The following MYCBP2 variants were observed in gnomAD, a reference collection of about 807,000 sequenced individuals.
MYCBP2 encodes the protein E3 ubiquitin-protein ligase MYCBP2.
Under a neutral mutation model 525.3 loss-of-function variants are expected in MYCBP2, and 120 were observed. The observed-to-expected ratio is 0.23, with a 90% CI of 0.20 to 0.27. MYCBP2 has a LOEUF of 0.27. Among genes scored for constraint, MYCBP2 ranks in the 10% least tolerant of loss-of-function variants. The pLI is 1.00. For synonymous variants in MYCBP2, 1,894 were observed against 1,955.8 expected (o/e 0.97, Z 0.83); for missense variants, 4,149 against 5,657.1 (o/e 0.73, Z 8.55).
At chr13:77,090,492 G>T in intron 59 of MYCBP2, 1 of 320,998 alleles carries the variant, frequency 3.1e-6, no homozygotes, top group Non-Finnish European at 5.6e-6. Flanking sequence ...AATCTACTTT[G>T]TATTTTAAAT....
chr13:77,204,992 T>C (rs943375387), intron 26 of MYCBP2, among the ~76,000 whole-genome samples: 3 of 151,752 alleles, frequency 2.0e-5, no homozygotes, highest in African/African-American at 7.3e-5. Context: ...GGCACATGTA[T>C]ACATATGTAA....
At chr13:77,306,287 A>G (rs553806570) in intron 1 of MYCBP2, among the ~76,000 whole-genome samples, 3 of 152,334 alleles carry the variant, frequency 2.0e-5, no homozygotes, top group African/African-American at 7.2e-5. Context: ...TACTCCTATC[A>G]TGTTCAAGCA....
chr13:77,216,422 C>G (rs1402222556), intron 21 of MYCBP2, among the ~76,000 whole-genome samples: 1 of 152,096 alleles, frequency 6.6e-6, no homozygotes, highest in Non-Finnish European at 1.5e-5. Flanking sequence ...TGATGAGAAG[C>G]AGGCATCTTA....
intron 72 of MYCBP2, among the ~76,000 whole-genome samples, chr13:77,065,131 A>G (rs541031308): frequency 3.4e-4 from 52 of 152,200 alleles, no homozygotes; most frequent in Non-Finnish European, 6.5e-4. Flanking sequence ...CCTAAAATAT[A>G]AACAGGTTCA....
At position 77,119,232 on chromosome 13, in the gene MYCBP2, G is replaced by A. The variant is rs143907596; in HGVS notation, c.8140+2141C>T. ...ATTTTTTTTAAGATAATGAAATTATGTGATGGATAATAACTCCTTATTTGT... is the reference window on the plus strand; with the variant it reads ...ATTTTTTTTAAGATAATGAAATTATATGATGGATAATAACTCCTTATTTGT... On this transcript the variant is annotated intron_variant, in intron 55 of 82. Transcript: ENST00000544440. Among the ~76,000 whole-genome samples the A allele has an allele frequency of 5.6e-3, 849 of 152,220 alleles. 9 individuals carry two copies. The highest frequency in any genetic ancestry group is 0.02 in the African/African-American group (818 of 41,550).
chr13:77,210,215 T>C (rs1417521545), intron 23 of MYCBP2, among the ~76,000 whole-genome samples: 2 of 151,644 alleles, frequency 1.3e-5, no homozygotes, highest in Non-Finnish European at 2.9e-5. Flanking sequence ...TTTTTTTTTT[T>C]TTTGAGACAG....
At chr13:77,325,818 GCT>G (rs1264164404) in intron 1 of MYCBP2, among the ~76,000 whole-genome samples, 1 of 152,180 alleles carries the variant, frequency 6.6e-6, no homozygotes, top group Non-Finnish European at 1.5e-5. Context: ...TCAAAGTACA[GCT>G]CTAAAAATCT....
intron 55 of MYCBP2, among the ~76,000 whole-genome samples, chr13:77,112,273 T>A (rs868127584): frequency 1.4e-5 from 2 of 148,114 alleles, no homozygotes; most frequent in Non-Finnish European, 3.0e-5. Flanking sequence ...CTGGACTGTA[T>A]CCCCTCTTCT....
At chr13:77,191,578 C>A (rs2061303677) in intron 28 of MYCBP2, 101 bp downstream of exon 28, 1 of 1,375,952 alleles carries the variant, frequency 7.3e-7, no homozygotes, top group South Asian at 1.4e-5. Flanking sequence ...CTCTAGTCTT[C>A]CTAAGCTTTT....
Position 77,056,112 on chromosome 13 carries a change from G to GTGTA in MYCBP2, c.13438-346_13438-345insTACA, listed in dbSNP as rs1341908969. 3.5e-4 allele frequency among the ~76,000 whole-genome samples: 47 copies of GTGTA among 134,216 alleles called. 1 individual carries two copies. The highest frequency in any genetic ancestry group is 1.1e-3 in the African/African-American group (42 of 38,136). 88.1% of individuals were successfully genotyped at this position (134,216 alleles called of 152,430 possible). On this transcript the variant is annotated intron_variant, in intron 79 of 82. Transcript: ENST00000544440. ...CGCTCTGTGTTTGGTGTGTGTGTGTGTGTGTGTGTGTGTGTGTGTGTGTGT... is the reference window on the plus strand; with the variant it reads ...CGCTCTGTGTTTGGTGTGTGTGTGTGTGTATGTGTGTGTGTGTGTGTGTGTGTGT...
chr13:77,207,092 T>C (rs2063435917), intron 23 of MYCBP2, among the ~76,000 whole-genome samples: 1 of 152,196 alleles, frequency 6.6e-6, no homozygotes, highest in South Asian at 2.1e-4. Context: ...TATAAAGTTT[T>C]GATACATACA....
At chr13:77,313,085 T>A (rs2080469532) in intron 1 of MYCBP2, among the ~76,000 whole-genome samples, 1 of 152,058 alleles carries the variant, frequency 6.6e-6, no homozygotes, top group East Asian at 1.9e-4. Flanking sequence ...GTAATAACAA[T>A]AATATATTAA....
intron 67 of MYCBP2, 101 bp downstream of exon 67, chr13:77,077,047 G>GCCA: frequency 6.8e-7 from 1 of 1,476,796 alleles, no homozygotes; most frequent in Non-Finnish European, 9.1e-7. Context: ...AACATTTATA[G>GCCA]CCAGAAATTT....
At chr13:77,304,446 A>C (rs1169402633) in intron 1 of MYCBP2, among the ~76,000 whole-genome samples, 1 of 152,176 alleles carries the variant, frequency 6.6e-6, no homozygotes, top group Non-Finnish European at 1.5e-5. Context: ...TAAAAGTAGA[A>C]AGTAGAAGAG....
At chr13:77,103,444 G>C (rs189389084) in intron 55 of MYCBP2, 1 of 389,010 alleles carries the variant, frequency 2.6e-6, no homozygotes, top group African/African-American at 2.1e-5. Context: ...TTTATATTCT[G>C]CTATATTTTT....
Position 77,188,959 on chromosome 13 carries a change from C to G in MYCBP2, c.4243G>C (p.Val1415Leu). ...TTTAAAACATGGCTTACCACTGAGACAGTTCTTGCAAAAGACCTCTTTAAA... is the reference window on the plus strand; with the variant it reads ...TTTAAAACATGGCTTACCACTGAGAGAGTTCTTGCAAAAGACCTCTTTAAA... The part of the protein sequence containing the change: ...HILKRSFART[V>L]SVECFESLLS... The change falls in exon 30 of 83, where the codon GTC becomes CTC. Residue 1415 changes from valine to leucine, a missense_variant. Val to Leu is a conservative substitution (Grantham distance 32). Coordinates refer to ENST00000544440, the MANE Select transcript of MYCBP2 (RefSeq NM_015057.5). The G allele has an allele frequency of 6.3e-7, 1 of 1,594,966 alleles. No homozygotes were observed. Among genetic ancestry groups the G allele is most frequent in the Middle Eastern group, 1.7e-4 (1 of 5,984 alleles).
intron 1 of MYCBP2, 35 bp from the exon 2 acceptor site, chr13:77,296,709 A>T: frequency 7.9e-7 from 1 of 1,268,030 alleles, no homozygotes; most frequent in Non-Finnish European, 1.1e-6. Context: ...AAAAAATATG[A>T]ATGTTCATAT....
At position 77,139,213 on chromosome 13, in the gene MYCBP2, G is replaced by T; in HGVS notation, c.7642C>A (p.Leu2548Ile). Residue 2548 changes from leucine to isoleucine, a missense_variant, in exon 52 of 83, where the codon CTT (leucine) becomes ATT (isoleucine). Leu to Ile is a conservative substitution (Grantham distance 5). Transcript: ENST00000544440. ...TTACTTACGTCAACAGGGACCAGAA[G>T]ACTCTTGCCAAGATGTTGATTAAAA... ...LSFNQHLGKS[L>I]LVPVDESKTN... 1 of 1,613,586 alleles carries T rather than the reference G, an allele frequency of 6.2e-7. No individual in the cohort carries two copies.
chr13:77,231,292 T>C (rs1313433799), intron 18 of MYCBP2, among the ~76,000 whole-genome samples: 1 of 152,164 alleles, frequency 6.6e-6, no homozygotes, highest in African/African-American at 2.4e-5. Context: ...GAATAACTTG[T>C]TTTTTCACTG....
Sources: allele counts gnomAD v4.1 joint callset (sites outside exome capture counted in the v4.1 genomes callset), GRCh38; gene constraint gnomAD v4.1.1; transcripts MANE v1.5; gene names NCBI Gene and HGNC (gene_info 2026-07-23, HGNC 2026-07-21).